Variants in TP63 observed in about 807,000 individuals in gnomAD.
TP63 encodes tumor protein p63.
In TP63, 17 loss-of-function variants were observed where a neutral mutation model predicts 82.8. The ratio of observed to expected loss-of-function variants is 0.21; its 90% CI spans 0.14 to 0.31. The LOEUF (loss-of-function observed/expected upper bound fraction) is 0.31. Ranked by LOEUF, TP63 falls within the 10% of genes least tolerant of loss-of-function variation. The probability of loss-of-function intolerance (pLI) is 1.00; values close to 1 mark genes in which losing one functional copy is unlikely to be tolerated. For synonymous variants in TP63, 330 were observed against 321.7 expected (o/e 1.03, Z -0.28); for missense variants, 648 against 895.3 (o/e 0.72, Z 3.52).
At chr3:189,599,486 A>G in the TP63 span, among the ~76,000 whole-genome samples, 3 of 152,216 alleles carry the variant, frequency 2.0e-5, no homozygotes, top group Admixed American at 6.5e-5. Context: ...GAGTGCTTCA[A>G]TAAAATAATG....
At chr3:189,766,688 C>T (rs572511109) in intron 3 of TP63, among the ~76,000 whole-genome samples, 4 of 152,114 alleles carry the variant, frequency 2.6e-5, no homozygotes, top group East Asian at 3.9e-4. Context: ...AAATTAACCT[C>T]GCTAAAAACA....
At chr3:189,686,154 A>C (rs1716417465) in intron 1 of TP63, among the ~76,000 whole-genome samples, 2 of 152,196 alleles carry the variant, frequency 1.3e-5, no homozygotes, top group Non-Finnish European at 2.9e-5. Context: ...GAGGGAAAGG[A>C]AAGCACAGAG....
intron 3 of TP63, among the ~76,000 whole-genome samples, chr3:189,758,239 C>A (rs2108533539): frequency 6.6e-6 from 1 of 152,248 alleles, no homozygotes; most frequent in South Asian, 2.1e-4. Context: ...GATCTAATGC[C>A]CCCGCTGATC....
chr3:189,647,032 G>A (rs972116913), intron 1 of TP63, among the ~76,000 whole-genome samples: 2 of 147,168 alleles, frequency 1.4e-5, no homozygotes, highest in Non-Finnish European at 3.0e-5. Context: ...GTGACTCTTG[G>A]CAGCAGTGTT....
At chr3:189,720,755 A>G (rs200242616) in intron 1 of TP63, among the ~76,000 whole-genome samples, 2,529 of 149,798 alleles carry the variant, frequency 0.017, 30 homozygotes, top group Middle Eastern at 0.042. Flanking sequence ...AAAAAAAAAA[A>G]AAGAAGAAGA....
intron 2 of TP63, 71 bp from the exon 3 acceptor site, chr3:189,738,571 G>C: frequency 6.2e-7 from 1 of 1,610,556 alleles, no homozygotes; most frequent in Non-Finnish European, 8.5e-7. Flanking sequence ...AATGCTTGTT[G>C]TTAACAACAG....
chr3:189,831,758 A>G (rs1334329801), intron 4 of TP63, among the ~76,000 whole-genome samples: 5 of 151,240 alleles, frequency 3.3e-5, no homozygotes, highest in African/African-American at 1.2e-4. Context: ...TTTATAACAC[A>G]TAGAGCTGGC....
intron 1 of TP63, among the ~76,000 whole-genome samples, chr3:189,724,538 A>G (rs932754170): frequency 2.0e-5 from 3 of 152,170 alleles, no homozygotes; most frequent in South Asian, 2.1e-4. Context: ...TTGCATCCGC[A>G]TGGCTTAGCT....
intron 11 of TP63, among the ~76,000 whole-genome samples, chr3:189,887,907 A>G (rs1161574002): frequency 1.4e-5 from 2 of 140,916 alleles, no homozygotes; most frequent in African/African-American, 5.4e-5. Flanking sequence ...CCCAGGCTGG[A>G]GTGCAATGGC....
At chr3:189,604,078 C>T in the TP63 span, among the ~76,000 whole-genome samples, 2 of 151,974 alleles carry the variant, frequency 1.3e-5, no homozygotes, top group Non-Finnish European at 2.9e-5. Flanking sequence ...AATTATTTTA[C>T]CATCAGGGAA....
chr3:189,708,940 C>G (rs984587925), intron 1 of TP63, among the ~76,000 whole-genome samples: 3 of 152,102 alleles, frequency 2.0e-5, no homozygotes, highest in African/African-American at 7.2e-5. Flanking sequence ...TTTAGAGTGT[C>G]AGTTTGTTTT....
chr3:189,725,457 C>G (rs991125365), intron 1 of TP63, among the ~76,000 whole-genome samples: 1 of 152,012 alleles, frequency 6.6e-6, no homozygotes, highest in African/African-American at 2.4e-5. Flanking sequence ...AAGTTTAAAA[C>G]TTCTATTTTT....
At chr3:189,616,342 C>A in the TP63 span, among the ~76,000 whole-genome samples, 1 of 152,170 alleles carries the variant, frequency 6.6e-6, no homozygotes, top group Non-Finnish European at 1.5e-5. Flanking sequence ...ATTCCTTGAA[C>A]CCTCTCCACA....
At chr3:189,838,546 TAGAGG>T (rs1318615578) in intron 4 of TP63, among the ~76,000 whole-genome samples, 4 of 152,128 alleles carry the variant, frequency 2.6e-5, no homozygotes, top group African/African-American at 9.7e-5. Flanking sequence ...ATGTTGCAAG[TAGAGG>T]AAAGGGTTTG....
chr3:189,666,885 A>G (rs1714432833), intron 1 of TP63, among the ~76,000 whole-genome samples: 1 of 126,526 alleles, frequency 7.9e-6, no homozygotes, highest in African/African-American at 2.5e-5. Context: ...ATGCATTTAC[A>G]AAAGAATGGA....
intron 4 of TP63, among the ~76,000 whole-genome samples, chr3:189,830,666 T>G (rs1215903569): frequency 2.0e-5 from 3 of 152,144 alleles, no homozygotes; most frequent in Non-Finnish European, 4.4e-5. Context: ...AAAAGATGGA[T>G]AAGGTAAGGT....
intron 3 of TP63, among the ~76,000 whole-genome samples, chr3:189,768,176 C>T (rs564936544): frequency 2.0e-5 from 3 of 152,026 alleles, no homozygotes; most frequent in South Asian, 2.1e-4. Flanking sequence ...TTTTGCAAAA[C>T]GGGATTAATA....
At chr3:189,639,431 T>A (rs1055179826) in intron 1 of TP63, among the ~76,000 whole-genome samples, 8 of 152,178 alleles carry the variant, frequency 5.3e-5, no homozygotes, top group Non-Finnish European at 8.8e-5. Context: ...ATTTTTATTG[T>A]TCGCCTTCCA....
intron 3 of TP63, among the ~76,000 whole-genome samples, chr3:189,767,997 T>C (rs1182283403): frequency 6.6e-6 from 1 of 152,178 alleles, no homozygotes; most frequent in Non-Finnish European, 1.5e-5. Context: ...TGAAATCACA[T>C]ACAATATGTC....
Sources: allele counts gnomAD v4.1 joint callset (sites outside exome capture counted in the v4.1 genomes callset), GRCh38; gene constraint gnomAD v4.1.1; transcripts MANE v1.5; gene names NCBI Gene and HGNC (gene_info 2026-07-23, HGNC 2026-07-21).